The following LRCH1 variants were observed in gnomAD, a reference collection of about 807,000 sequenced individuals.
LRCH1 encodes leucine-rich repeat and calponin homology domain-containing protein 1.
LRCH1 carries 23 observed loss-of-function variants against 94.9 expected under a neutral mutation model. The observed-to-expected ratio is 0.24, with a 90% confidence interval of 0.17 to 0.34. LRCH1 has a LOEUF of 0.34. LRCH1 is among the 10% of genes least tolerant of loss of function. LRCH1 has a pLI of 1.00. For missense variants in LRCH1, 790 were observed against 945.9 expected (o/e 0.84, Z 2.16); for synonymous variants, 364 against 354.9 (o/e 1.03, Z -0.29).
chr13:46,559,453 A>G (rs1346733398), intron 1 of LRCH1, among the ~76,000 whole-genome samples: 1 of 152,200 alleles, frequency 6.6e-6, no homozygotes, highest in Non-Finnish European at 1.5e-5. Flanking sequence ...TAAGGTATAG[A>G]TAAATTCCAA....
At chr13:46,698,330 G>A (rs1871298026) in intron 9 of LRCH1, among the ~76,000 whole-genome samples, 1 of 152,194 alleles carries the variant, frequency 6.6e-6, no homozygotes, top group South Asian at 2.1e-4. Context: ...TTCTAGCCAT[G>A]AGCTGGGTTA....
Position 46,646,053 on chromosome 13 carries a change from G to T in LRCH1, c.308-4148G>T, listed in dbSNP as rs749251362. Among the ~76,000 whole-genome samples the T allele has an allele frequency of 6.1e-4, 93 of 152,152 alleles. 2 individuals are homozygous for T. The highest frequency in any genetic ancestry group is 1.5e-4 in the Non-Finnish European group (10 of 68,010). ...CACTGTAGCACATCAAGACCACTATGTCTAGTAAAGTGTTTCAGAAAGAAA... is the reference window on the plus strand; with the variant it reads ...CACTGTAGCACATCAAGACCACTATTTCTAGTAAAGTGTTTCAGAAAGAAA... On this transcript the variant is annotated intron_variant, in intron 1 of 19. Transcript: ENST00000389797.
intron 1 of LRCH1, among the ~76,000 whole-genome samples, chr13:46,631,701 T>G (rs1308747921): frequency 2.0e-5 from 3 of 152,216 alleles, no homozygotes; most frequent in African/African-American, 7.2e-5. Context: ...AATATAATTT[T>G]TAGTGATTTT....
At chr13:46,578,534 T>G (rs1449539473) in intron 1 of LRCH1, among the ~76,000 whole-genome samples, 1 of 152,214 alleles carries the variant, frequency 6.6e-6, no homozygotes, top group Non-Finnish European at 1.5e-5. Context: ...CTAAGTGCCT[T>G]GCTGGATGGT....
intron 1 of LRCH1, among the ~76,000 whole-genome samples, chr13:46,588,485 A>C (rs934036456): frequency 6.6e-6 from 1 of 152,202 alleles, no homozygotes; most frequent in Non-Finnish European, 1.5e-5. Flanking sequence ...TTATTGTATA[A>C]AATGTTAAAT....
intron 18 of LRCH1, among the ~76,000 whole-genome samples, chr13:46,750,223 T>G (rs894807822): frequency 6.6e-6 from 1 of 152,240 alleles, no homozygotes; most frequent in Admixed American, 6.5e-5. Flanking sequence ...TATTATATTC[T>G]TGGTGTATGC....
rs535116701 is a variant in LRCH1 at position 46,741,842 on chromosome 13, C to G, written c.2286C>G (p.Ser762=). 1 of 1,613,972 alleles carries G rather than the reference C, an allele frequency of 6.2e-7. No individual in the cohort carries two copies. The highest frequency in any genetic ancestry group is 8.5e-7 in the Non-Finnish European group (1 of 1,180,024). ...TCACTTACCACTGGAATGCTCTGTC[C>G]GCATAATGTCTGCACGTGCATCCAA... The part of the protein sequence containing the change: ...VYITYHWNAL[S]A Residue 762 remains serine, a synonymous_variant, in exon 20 of 20, where the codon TCC becomes TCG. Transcript: ENST00000389797.
At chr13:46,584,461 A>G (rs1187392314) in intron 1 of LRCH1, among the ~76,000 whole-genome samples, 1 of 152,220 alleles carries the variant, frequency 6.6e-6, no homozygotes, top group Non-Finnish European at 1.5e-5. Flanking sequence ...GTTTGAAGAG[A>G]TAAGACACCA....
intron 3 of LRCH1, among the ~76,000 whole-genome samples, chr13:46,676,831 G>A (rs1408845132): frequency 6.6e-6 from 1 of 152,148 alleles, no homozygotes; most frequent in East Asian, 1.9e-4. Context: ...AGGCTGGAAT[G>A]CAGTGCCATG....
intron 9 of LRCH1, among the ~76,000 whole-genome samples, chr13:46,696,784 G>C (rs980958587): frequency 2.0e-5 from 3 of 152,174 alleles, no homozygotes; most frequent in Non-Finnish European, 2.9e-5. Context: ...TTCAACCTGT[G>C]CTTGGCCTGG....
At chr13:46,733,249 G>C (rs749877172) in intron 18 of LRCH1, among the ~76,000 whole-genome samples, 1 of 152,152 alleles carries the variant, frequency 6.6e-6, no homozygotes, top group Non-Finnish European at 1.5e-5. Context: ...TATGAAATGT[G>C]CCTGTTACCC....
rs34118906 is a variant in LRCH1, at chr13:46,636,059, CTTTTTTTTTTTTTTTT to C, written c.308-14129_308-14114del. 9.5e-5 allele frequency among the ~76,000 whole-genome samples: 7 copies of C among 73,590 alleles called. No individual in the cohort carries two copies. The South Asian group carries it at 1.9e-3, about 20-fold the overall frequency. 48.3% of individuals were successfully genotyped at this position (73,590 alleles called of 152,430 possible). On this transcript the variant is annotated intron_variant, in intron 1 of 19. Coordinates refer to ENST00000389797, the MANE Select transcript of LRCH1 (RefSeq NM_001164211.2). ...ACAACATCCAACTTACCATGTCAAC[CTTTTTTTTTTTTTTTT>C]TTTTTTTTTTTTGAGATGAAGTCTC...
In LRCH1 at chr13:46,742,366, A is replaced by C. The variant is rs953434190; in HGVS notation, c.*518A>C. 2.0e-6 allele frequency: 2 copies of C among 992,868 alleles called. No individual in the cohort carries two copies. The highest frequency in any genetic ancestry group is 3.5e-5 in the African/African-American group (2 of 57,310). 61.5% of individuals were successfully genotyped at this position (992,868 alleles called of 1,614,324 possible). ...TTGATCTATACAAAACTTTAATAATACCACTACTGACCAAGTTGGACGTGT... is the reference window on the plus strand; with the variant it reads ...TTGATCTATACAAAACTTTAATAATCCCACTACTGACCAAGTTGGACGTGT... On this transcript the variant is annotated 3_prime_UTR_variant, in exon 20 of 20. Coordinates refer to ENST00000389797, the MANE Select transcript of LRCH1 (RefSeq NM_001164211.2).
At chr13:46,749,595 T>C (rs1399806999), downstream of LRCH1, among the ~76,000 whole-genome samples, 2 of 122,518 alleles carry the variant, frequency 1.6e-5, no homozygotes, top group Non-Finnish European at 3.8e-5. Context: ...CTGGACACCA[T>C]AAATAAATAC....
At chr13:46,585,552 C>CAAAAAAAAAAAAA in intron 1 of LRCH1, among the ~76,000 whole-genome samples, 1 of 82,112 alleles carries the variant, frequency 1.2e-5, no homozygotes, top group Non-Finnish European at 2.7e-5. Context: ...GACTGCATCT[C>CAAAAAAAAAAAAA]AAAAAAAAAA....
chr13:46,716,425 T>C (rs1402748366), intron 16 of LRCH1, among the ~76,000 whole-genome samples: 5 of 152,234 alleles, frequency 3.3e-5, no homozygotes, highest in Non-Finnish European at 5.9e-5. Flanking sequence ...CATCCTAGTC[T>C]CTGAAATATT....
intron 1 of LRCH1, among the ~76,000 whole-genome samples, chr13:46,566,024 G>T (rs2050180019): frequency 6.6e-6 from 1 of 151,882 alleles, no homozygotes; most frequent in African/African-American, 2.4e-5. Flanking sequence ...CAGATTGGAG[G>T]GGTGAGGAAG....
At position 46,744,180 on chromosome 13, in the gene LRCH1, C is replaced by T; in HGVS notation, c.*2332C>T. ...CTAACTGGATGCCTGCGGATGCCTG[C>T]CCTTGCAGCTTGACTGGGGATACCT... is the stretch of plus-strand genomic sequence containing the variant. On this transcript the variant is annotated 3_prime_UTR_variant, in exon 20 of 20. Coordinates refer to ENST00000389797, the MANE Select transcript of LRCH1 (RefSeq NM_001164211.2). 1 of 985,412 alleles carries T rather than the reference C, an allele frequency of 1.0e-6. No individual in the cohort carries two copies. The highest frequency in any genetic ancestry group is 1.2e-6 in the Non-Finnish European group (1 of 829,928). 61.0% of individuals were successfully genotyped at this position (985,412 alleles called of 1,614,324 possible). A position where few individuals can be genotyped will look rare whatever the true frequency, so the allele number is the denominator to read the frequency against.
intron 1 of LRCH1, among the ~76,000 whole-genome samples, chr13:46,626,326 A>C (rs1206411014): frequency 6.6e-6 from 1 of 152,166 alleles, no homozygotes; most frequent in East Asian, 1.9e-4. Context: ...CTGTGACTTA[A>C]ACGTATACAT....
Sources: allele counts gnomAD v4.1 joint callset (sites outside exome capture counted in the v4.1 genomes callset), GRCh38; gene constraint gnomAD v4.1.1; transcripts MANE v1.5; gene names NCBI Gene and HGNC (gene_info 2026-07-23, HGNC 2026-07-21).